GLIS3: variants seen among roughly 807,000 people sequenced by gnomAD.
GLIS3 encodes the protein GLIS family zinc finger 3, also known as zinc finger protein GLIS3.
Under a neutral mutation model 78.6 loss-of-function variants are expected in GLIS3, and 53 were observed. The ratio of observed to expected loss-of-function variants is 0.67; its 90% CI spans 0.54 to 0.85. The LOEUF (loss-of-function observed/expected upper bound fraction) is 0.85, where lower values mean the gene tolerates loss of function less well. Ranked by LOEUF, GLIS3 falls within the 40% of genes least tolerant of loss-of-function variation. The pLI is 0.00. For synonymous variants in GLIS3, 684 were observed against 509.9 expected (o/e 1.34, Z -4.60); for missense variants, 1,703 against 1,231.1 (o/e 1.38, Z -5.74).
At chr9:4,405,387 AAAAG>A in the GLIS3 span, among the ~76,000 whole-genome samples, 2,919 of 149,788 alleles carry the variant, frequency 0.019, 44 homozygotes, top group Admixed American at 0.029. Flanking sequence ...GAAAAAAGAA[AAAAG>A]AAAGAAAGAA....
intron 4 of GLIS3, among the ~76,000 whole-genome samples, chr9:3,996,716 C>T (rs952180689): frequency 6.6e-6 from 1 of 151,780 alleles, no homozygotes; most frequent in East Asian, 1.9e-4. Flanking sequence ...AACAAAGACC[C>T]AACATAGAGA....
At chr9:3,926,763 C>T (rs1017316172) in intron 6 of GLIS3, among the ~76,000 whole-genome samples, 2 of 151,818 alleles carry the variant, frequency 1.3e-5, no homozygotes, top group African/African-American at 2.4e-5. Context: ...GCTGGGATTA[C>T]AGGCGCACGC....
At chr9:3,964,833 T>C (rs900922885) in intron 4 of GLIS3, among the ~76,000 whole-genome samples, 2 of 152,200 alleles carry the variant, frequency 1.3e-5, no homozygotes, top group Admixed American at 1.3e-4. Flanking sequence ...AAGGAAATTA[T>C]GGTGCTCAAA....
chr9:3,910,088 C>T (rs576994343), intron 6 of GLIS3, among the ~76,000 whole-genome samples: 38 of 152,250 alleles, frequency 2.5e-4, no homozygotes, highest in African/African-American at 8.2e-4. Context: ...CTTCAGAGCT[C>T]ATCATTTAAA....
chr9:4,078,630 T>C (rs1019787645), intron 4 of GLIS3, among the ~76,000 whole-genome samples: 5 of 152,108 alleles, frequency 3.3e-5, no homozygotes, highest in Non-Finnish European at 7.4e-5. Context: ...GGTAAAGCGG[T>C]GGAGAAACCA....
intron 2 of GLIS3, among the ~76,000 whole-genome samples, chr9:4,216,390 G>A (rs966182309): frequency 2.0e-5 from 3 of 150,844 alleles, no homozygotes; most frequent in African/African-American, 7.3e-5. Context: ...GGAGAATGGC[G>A]TGAGCTTGCA....
the GLIS3 span, among the ~76,000 whole-genome samples, chr9:4,356,450 G>C: frequency 1.3e-5 from 2 of 152,188 alleles, no homozygotes; most frequent in Non-Finnish European, 2.9e-5. Context: ...TGCCACCAGA[G>C]ATAACAACTT....
chr9:4,200,159 G>A (rs1027509308), intron 2 of GLIS3, among the ~76,000 whole-genome samples: 8 of 152,102 alleles, frequency 5.3e-5, no homozygotes, highest in Non-Finnish European at 1.0e-4. Flanking sequence ...ACAAAGCAGC[G>A]CTAACAGGAG....
intron 4 of GLIS3, among the ~76,000 whole-genome samples, chr9:3,992,649 T>C (rs1439653885): frequency 6.6e-6 from 1 of 152,188 alleles, no homozygotes; most frequent in Non-Finnish European, 1.5e-5. Context: ...AACATAACTG[T>C]TTTTTCAACT....
the GLIS3 span, among the ~76,000 whole-genome samples, chr9:4,410,333 G>C: frequency 1.3e-5 from 2 of 152,124 alleles, no homozygotes; most frequent in Admixed American, 6.6e-5. Context: ...TAGAACAACA[G>C]AGAAGCAGTT....
At chr9:4,138,554 T>G (rs960856335) in intron 2 of GLIS3, among the ~76,000 whole-genome samples, 1 of 152,138 alleles carries the variant, frequency 6.6e-6, no homozygotes, top group African/African-American at 2.4e-5. Context: ...AAGAGTTGGA[T>G]GGCCAAAATG....
At chr9:4,341,266 A>C (rs1176094494) in intron 2 of GLIS3, among the ~76,000 whole-genome samples, 1 of 152,190 alleles carries the variant, frequency 6.6e-6, no homozygotes, top group Non-Finnish European at 1.5e-5. Flanking sequence ...GCATCACTGG[A>C]GCTTAAAGCT....
At chr9:4,209,925 C>T (rs10758574) in intron 2 of GLIS3, among the ~76,000 whole-genome samples, 97,276 of 151,926 alleles carry the variant, frequency 0.64, 31,409 homozygotes, top group African/African-American at 0.71. Context: ...TGTACAAACA[C>T]AAAGGAGACA....
At chr9:4,290,454 T>A (rs909367304) in intron 1 of GLIS3, among the ~76,000 whole-genome samples, 2 of 152,154 alleles carry the variant, frequency 1.3e-5, no homozygotes, top group African/African-American at 4.8e-5. Flanking sequence ...CTTTTCAACA[T>A]CGCTGCCTTG....
intron 2 of GLIS3, among the ~76,000 whole-genome samples, chr9:4,182,433 C>T (rs1817412416): frequency 6.6e-6 from 1 of 152,136 alleles, no homozygotes; most frequent in African/African-American, 2.4e-5. Flanking sequence ...AATTATGGAA[C>T]ACTATGTATA....
chr9:4,246,201 A>T (rs1287400489), intron 2 of GLIS3, among the ~76,000 whole-genome samples: 1 of 152,244 alleles, frequency 6.6e-6, no homozygotes, highest in Non-Finnish European at 1.5e-5. Context: ...TCTACCACAA[A>T]TACAAAAATT....
At chr9:4,082,158 A>G (rs1828601254) in intron 4 of GLIS3, among the ~76,000 whole-genome samples, 1 of 152,208 alleles carries the variant, frequency 6.6e-6, no homozygotes, top group African/African-American at 2.4e-5. Context: ...GTCAAAACCA[A>G]GGGAAATAAT....
chr9:4,411,540 C>G, the GLIS3 span, among the ~76,000 whole-genome samples: 7 of 152,184 alleles, frequency 4.6e-5, no homozygotes, highest in African/African-American at 1.7e-4. Flanking sequence ...GTTTGGGAAC[C>G]ACTAATTTTG....
At position 4,106,314 on chromosome 9, in the gene GLIS3, A is replaced by AT. The variant is rs201455173; in HGVS notation, c.1710+11453dup. ...TGACGCCTCCTAATTAGAATCAATG[A>AT]TTTTTTTTTATTGTCGCTCCTGATA... On this transcript the variant is annotated intron_variant, in intron 4 of 10. Coordinates refer to ENST00000381971, the MANE Select transcript of GLIS3 (RefSeq NM_001042413.2). Among the ~76,000 whole-genome samples, 113 of 151,704 alleles carry AT rather than the reference A, an allele frequency of 7.4e-4. No individual in the cohort carries two copies. In the South Asian group the frequency reaches 0.011, roughly 15 times the overall value.
Sources: gnomAD v4.1 joint callset for allele counts (sites outside exome capture counted in the v4.1 genomes callset) on GRCh38, gnomAD v4.1.1 for gene constraint, MANE v1.5 for transcripts, NCBI Gene and HGNC (gene_info 2026-07-23, HGNC 2026-07-21) for gene names.